The following ROCK2 variants were observed in gnomAD, a reference collection of about 807,000 sequenced individuals.
The protein encoded by ROCK2 is Rho associated coiled-coil containing protein kinase 2, also known as rho-associated protein kinase 2.
ROCK2 carries 61 observed loss-of-function variants against 195.1 expected under a neutral mutation model. That is an observed-to-expected ratio of 0.31 (90% CI 0.25 to 0.39). ROCK2 has a LOEUF of 0.39. Ranked by LOEUF, ROCK2 falls within the 10% of genes least tolerant of loss-of-function variation. The pLI is 1.00. For synonymous variants in ROCK2, 504 were observed against 545.5 expected, an observed-to-expected ratio of 0.92 and a Z score of 1.06; for missense variants, 1,109 against 1,637.4, an observed-to-expected ratio of 0.68 and a Z score of 5.57.
intron 1 of ROCK2, among the ~76,000 whole-genome samples, chr2:11,302,845 C>T (rs1667748848): frequency 6.6e-6 from 1 of 152,034 alleles, no homozygotes; most frequent in Non-Finnish European, 1.5e-5. Context: ...TGTTTCCCTC[C>T]ACCTTTTAAA....
intron 20 of ROCK2, among the ~76,000 whole-genome samples, chr2:11,206,843 C>A (rs1463532718): frequency 1.3e-5 from 2 of 152,222 alleles, no homozygotes; most frequent in Non-Finnish European, 2.9e-5. Context: ...CTCCCTTTCA[C>A]AAGTGTGATA....
At chr2:11,188,744 C>T (rs998313225) in intron 32 of ROCK2, among the ~76,000 whole-genome samples, 1 of 151,744 alleles carries the variant, frequency 6.6e-6, no homozygotes, top group African/African-American at 2.4e-5. Context: ...CTGCCTCAGC[C>T]TCCCGAGTAG....
rs77964966 is a variant in ROCK2, at chr2:11,247,731, G to A, written c.462+1930C>T. 2.3e-3 allele frequency among the ~76,000 whole-genome samples: 357 copies of A among 152,202 alleles called. 1 individual carries two copies. Among genetic ancestry groups the A allele is most frequent in the African/African-American group, 8.5e-3 (354 of 41,536 alleles). On this transcript the variant is annotated intron_variant, in intron 4 of 32. Transcript: ENST00000315872. ...TTCTTTAATCAGATAAATTATCATG[G>A]TATGCAGGCCAGGCGCAGAGGCTCA...
At chr2:11,291,386 C>T (rs1228705390) in intron 1 of ROCK2, among the ~76,000 whole-genome samples, 1 of 152,148 alleles carries the variant, frequency 6.6e-6, no homozygotes, top group Non-Finnish European at 1.5e-5. Flanking sequence ...CCCATCTCTA[C>T]CAAAAATACA....
chr2:11,218,875 A>T (rs1291235673), intron 10 of ROCK2, 91 bp downstream of exon 10: 1 of 664,070 alleles, frequency 1.5e-6, no homozygotes, highest in Non-Finnish European at 2.6e-6. Context: ...TTTTAAAAGG[A>T]GCATCAAATT....
intron 4 of ROCK2, among the ~76,000 whole-genome samples, chr2:11,247,268 T>A (rs1665649576): frequency 6.6e-6 from 1 of 152,166 alleles, no homozygotes; most frequent in African/African-American, 2.4e-5. Context: ...GAGAAAAATG[T>A]CCTAAAATTA....
intron 5 of ROCK2, among the ~76,000 whole-genome samples, chr2:11,230,969 A>G (rs1306460767): frequency 1.3e-5 from 2 of 152,146 alleles, no homozygotes; most frequent in African/African-American, 2.4e-5. Context: ...TGAATTTATG[A>G]TATTTTGGGC....
chr2:11,247,203 G>T (rs1665647334), intron 4 of ROCK2, among the ~76,000 whole-genome samples: 1 of 151,902 alleles, frequency 6.6e-6, no homozygotes, highest in Non-Finnish European at 1.5e-5. Context: ...GGGGCAGGGG[G>T]GCAGGTGGAA....
At chr2:11,325,664 TTTCTC>T (rs1314292088) in intron 1 of ROCK2, among the ~76,000 whole-genome samples, 2 of 152,162 alleles carry the variant, frequency 1.3e-5, no homozygotes, top group South Asian at 2.1e-4. Context: ...AATTTTAACT[TTTCTC>T]TGAATGAATG....
At chr2:11,238,905 G>C (rs1420269377) in intron 4 of ROCK2, among the ~76,000 whole-genome samples, 1 of 151,702 alleles carries the variant, frequency 6.6e-6, no homozygotes, top group East Asian at 1.9e-4. Flanking sequence ...TGAGAACCCA[G>C]AAATAAATCC....
intron 1 of ROCK2, among the ~76,000 whole-genome samples, chr2:11,337,546 C>T (rs376680259): frequency 7.2e-5 from 11 of 151,918 alleles, no homozygotes; most frequent in East Asian, 3.9e-4. Context: ...AGAGCAGTGT[C>T]GGGGAAGATG....
chr2:11,254,785 C>T (rs1375346830), intron 3 of ROCK2, among the ~76,000 whole-genome samples: 1 of 133,898 alleles, frequency 7.5e-6, no homozygotes, highest in Non-Finnish European at 1.6e-5. Flanking sequence ...ATTTCTTGGT[C>T]GTTCAGCTGA....
At chr2:11,303,750 A>C (rs1450627736) in intron 1 of ROCK2, among the ~76,000 whole-genome samples, 1 of 152,064 alleles carries the variant, frequency 6.6e-6, no homozygotes, top group Admixed American at 6.6e-5. Flanking sequence ...AATTCACTAC[A>C]ATCAGATCTC....
intron 17 of ROCK2, among the ~76,000 whole-genome samples, chr2:11,213,253 C>T (rs777152069): frequency 1.3e-5 from 2 of 152,132 alleles, no homozygotes; most frequent in Non-Finnish European, 2.9e-5. Flanking sequence ...CAGTATACAG[C>T]GATCTATCTT....
intron 32 of ROCK2, among the ~76,000 whole-genome samples, chr2:11,189,708 G>C (rs560960409): frequency 2.6e-5 from 4 of 152,090 alleles, no homozygotes; most frequent in African/African-American, 9.7e-5. Flanking sequence ...CTGGCCAGGC[G>C]TGGTGGCTCA....
chr2:11,238,257 G>C (rs1665296264), intron 4 of ROCK2, among the ~76,000 whole-genome samples: 3 of 137,680 alleles, frequency 2.2e-5, no homozygotes, highest in African/African-American at 8.0e-5. Flanking sequence ...GTGTGTGTCA[G>C]TGTACAACAT....
chr2:11,313,204 A>G (rs1371953535), intron 1 of ROCK2, among the ~76,000 whole-genome samples: 1 of 152,084 alleles, frequency 6.6e-6, no homozygotes, highest in Non-Finnish European at 1.5e-5. Context: ...TGTTAATAAC[A>G]GAAACGGAAG....
intron 4 of ROCK2, among the ~76,000 whole-genome samples, chr2:11,248,435 C>T (rs556691865): frequency 5.9e-5 from 9 of 151,768 alleles, no homozygotes; most frequent in Non-Finnish European, 1.2e-4. Context: ...AGGCCAGGTG[C>T]GGTGGCTCAC....
chr2:11,210,226 A>T (rs745530072), intron 18 of ROCK2, among the ~76,000 whole-genome samples: 2 of 149,438 alleles, frequency 1.3e-5, no homozygotes, highest in Non-Finnish European at 3.0e-5. Context: ...TTCAGAGAAT[A>T]ATCACTAAAC....
Sources: gnomAD v4.1 joint callset for allele counts (sites outside exome capture counted in the v4.1 genomes callset) on GRCh38, gnomAD v4.1.1 for gene constraint, MANE v1.5 for transcripts, NCBI Gene and HGNC (gene_info 2026-07-23, HGNC 2026-07-21) for gene names.